DYM: variants seen among roughly 807,000 people sequenced by gnomAD.
DYM encodes the protein dymeclin.
In DYM, 78 loss-of-function variants were observed where a neutral mutation model predicts 93.1. That is an observed-to-expected ratio of 0.84 (90% CI 0.70 to 1.01). The LOEUF is 1.01. Among genes scored for constraint, DYM ranks in the 50% least tolerant of loss-of-function variants. The pLI is 0.00. For missense variants in DYM, 789 were observed against 845.0 expected (o/e 0.93, Z 0.82); for synonymous variants, 321 against 319.7 (o/e 1.00, Z -0.04).
chr18:49,045,800 G>T (rs115059756), intron 17 of DYM, among the ~76,000 whole-genome samples: 174 of 152,302 alleles, frequency 1.1e-3, no homozygotes, highest in African/African-American at 3.9e-3. Context: ...AGGCTAAGGA[G>T]GGGGTGGGGG....
At chr18:49,338,625 T>C (rs1424069622) in intron 6 of DYM, among the ~76,000 whole-genome samples, 1 of 152,200 alleles carries the variant, frequency 6.6e-6, no homozygotes, top group Admixed American at 6.5e-5. Flanking sequence ...GGAAATAATA[T>C]ACAATAAAGA....
At chr18:49,255,596 C>T (rs2094376858) in intron 13 of DYM, among the ~76,000 whole-genome samples, 1 of 151,344 alleles carries the variant, frequency 6.6e-6, no homozygotes, top group Non-Finnish European at 1.5e-5. Context: ...TCACTTGAAC[C>T]CAGGAGGTGG....
rs201910559 is a variant in DYM at position 49,426,755 on chromosome 18, A to ACGTG, written c.140+3499_140+3500insCACG. ...ACTGCTATTAGTCACACTGGAAAAC[A>ACGTG]TGTGTGTGTGTGTGTGTGTGTGTGT... On this transcript the variant is annotated intron_variant, in intron 2 of 17. Transcript: ENST00000675505. 5.5e-3 allele frequency among the ~76,000 whole-genome samples: 813 copies of ACGTG among 147,788 alleles called. 15 individuals carry two copies. In the East Asian group the frequency reaches 0.07, roughly 13 times the overall value.
At chr18:49,268,824 A>G (rs1179610255) in intron 11 of DYM, among the ~76,000 whole-genome samples, 1 of 151,222 alleles carries the variant, frequency 6.6e-6, no homozygotes, top group African/African-American at 2.4e-5. Context: ...TTAAAAGAAA[A>G]GTCATGTTTA....
At chr18:49,208,420 C>G (rs889829758) in intron 14 of DYM, 17 of 152,002 alleles carry the variant, frequency 1.1e-4, no homozygotes, top group African/African-American at 4.1e-4. Context: ...ACATACGTAA[C>G]AGTTAATTCT....
chr18:49,383,588 A>G (rs1012428838), intron 3 of DYM, among the ~76,000 whole-genome samples: 2 of 152,256 alleles, frequency 1.3e-5, no homozygotes, highest in African/African-American at 4.8e-5. Context: ...GCAACAGAGG[A>G]AATAAACACA....
At chr18:49,459,531 C>T (rs1042042709) in intron 1 of DYM, among the ~76,000 whole-genome samples, 3 of 152,094 alleles carry the variant, frequency 2.0e-5, no homozygotes, top group Non-Finnish European at 4.4e-5. Context: ...ACATTCCTCT[C>T]CACGGCCTCC....
At chr18:49,373,299 A>G (rs1268505646) in intron 5 of DYM, among the ~76,000 whole-genome samples, 2 of 151,986 alleles carry the variant, frequency 1.3e-5, no homozygotes, top group Admixed American at 1.3e-4. Context: ...AAGAACGGCT[A>G]CTCCAGAGAC....
At chr18:49,144,340 G>T (rs1357074025) in intron 15 of DYM, among the ~76,000 whole-genome samples, 7 of 151,982 alleles carry the variant, frequency 4.6e-5, no homozygotes, top group Admixed American at 4.6e-4. Context: ...TTCATAGATG[G>T]TGGTGTGTTC....
chr18:49,180,034 T>C (rs1448955972), intron 14 of DYM, among the ~76,000 whole-genome samples: 3 of 152,128 alleles, frequency 2.0e-5, no homozygotes, highest in African/African-American at 7.2e-5. Context: ...GTATAATAGA[T>C]GTATTTAATT....
At chr18:49,325,441 T>A (rs1229147954) in intron 8 of DYM, among the ~76,000 whole-genome samples, 2 of 152,172 alleles carry the variant, frequency 1.3e-5, no homozygotes, top group Non-Finnish European at 2.9e-5. Context: ...TCTCTCAATA[T>A]GGTACCAAGG....
chr18:49,193,171 G>A (rs867101442), intron 14 of DYM, among the ~76,000 whole-genome samples: 2 of 151,640 alleles, frequency 1.3e-5, no homozygotes, highest in Non-Finnish European at 2.9e-5. Flanking sequence ...ATATGTAACT[G>A]TAATTTGTCA....
intron 17 of DYM, among the ~76,000 whole-genome samples, chr18:49,087,430 T>C (rs1367970227): frequency 2.6e-5 from 4 of 152,228 alleles, no homozygotes; most frequent in African/African-American, 9.6e-5. Context: ...TGCTTAAAAA[T>C]TGCTTACACA....
intron 13 of DYM, among the ~76,000 whole-genome samples, chr18:49,215,670 A>G (rs2092997675): frequency 6.6e-6 from 1 of 152,238 alleles, no homozygotes; most frequent in African/African-American, 2.4e-5. Flanking sequence ...CTCAAAAACT[A>G]AAGTTGAACT....
chr18:49,198,041 C>T, intron 14 of DYM, among the ~76,000 whole-genome samples: 1 of 152,094 alleles, frequency 6.6e-6, no homozygotes, highest in Non-Finnish European at 1.5e-5. Flanking sequence ...AGATATAGAC[C>T]AATGGAACAG....
intron 13 of DYM, among the ~76,000 whole-genome samples, chr18:49,252,215 T>TTAAAAAAAAAAAAAAAAAAAAA (rs1568106366): frequency 2.2e-3 from 1 of 460 alleles, no homozygotes; most frequent in Non-Finnish European, 4.5e-3. Flanking sequence ...GAGACTTGCC[T>TTAAAAAAAAAAAAAAAAAAAAA]CAAAAAAAAA....
At chr18:49,386,139 G>A (rs2068595645) in intron 3 of DYM, among the ~76,000 whole-genome samples, 1 of 152,034 alleles carries the variant, frequency 6.6e-6, no homozygotes, top group Admixed American at 6.6e-5. Flanking sequence ...GGCAAAGAGA[G>A]CACCTTACAA....
chr18:49,308,811 CTCAGGTAGTAAGGCTTCCTGA>C (rs1481604988), intron 8 of DYM, among the ~76,000 whole-genome samples: 1 of 152,062 alleles, frequency 6.6e-6, no homozygotes, highest in Non-Finnish European at 1.5e-5. Flanking sequence ...TGGCTTCCTG[CTCAGGTAGTAAGGCTTCCTGA>C]GGTTCTACTG....
rs536094104 is a variant in DYM, at chr18:49,261,377, A to T, written c.1252-2884T>A. 4.5e-4 allele frequency among the ~76,000 whole-genome samples: 69 copies of T among 152,356 alleles called. No homozygotes were observed. The South Asian group carries it at 0.011, about 24-fold the overall frequency. ...ATTATTTAGAATTGAAAAGTAAAAA[A>T]TATAAAAGTTTGGCTGGGCATGGAG... On this transcript the variant is annotated intron_variant, in intron 11 of 17. Transcript: ENST00000675505.
Sources: gnomAD v4.1 joint callset for allele counts (sites outside exome capture counted in the v4.1 genomes callset) on GRCh38, gnomAD v4.1.1 for gene constraint, MANE v1.5 for transcripts, NCBI Gene and HGNC (gene_info 2026-07-23, HGNC 2026-07-21) for gene names.